Variants in PHF20 observed in about 807,000 individuals in gnomAD.
PHF20 encodes glioma-expressed antigen 2.
A neutral mutation model predicts 113.5 loss-of-function variants in PHF20; 23 were observed. That is an observed-to-expected ratio of 0.20 (90% confidence interval 0.15 to 0.29). The LOEUF is 0.29. Ranked by LOEUF, PHF20 falls within the 10% of genes least tolerant of loss-of-function variation. The pLI is 1.00. For missense variants in PHF20, 943 were observed against 1,219.6 expected, an observed-to-expected ratio of 0.77 and a Z score of 3.38; for synonymous variants, 434 against 457.3, an observed-to-expected ratio of 0.95 and a Z score of 0.65.
intron 1 of PHF20, among the ~76,000 whole-genome samples, chr20:35,789,042 AT>A: frequency 6.6e-6 from 1 of 152,264 alleles, no homozygotes; most frequent in South Asian, 2.1e-4. Context: ...TTAGGTTGCC[AT>A]GGGAGAATGC....
intron 17 of PHF20, among the ~76,000 whole-genome samples, chr20:35,943,781 T>C (rs1206961194): frequency 6.6e-6 from 1 of 152,008 alleles, no homozygotes; most frequent in African/African-American, 2.4e-5. Context: ...CCGCCATGCC[T>C]GGCTAATTTT....
At chr20:35,797,251 G>A (rs534538299) in intron 1 of PHF20, among the ~76,000 whole-genome samples, 76 of 151,770 alleles carry the variant, frequency 5.0e-4, no homozygotes, top group African/African-American at 1.7e-3. Flanking sequence ...GGTGGCTCAT[G>A]CCTGTAATCC....
intron 1 of PHF20, chr20:35,782,262 G>GTTTTTTTTTTT (rs11480471): frequency 2.1e-5 from 3 of 143,482 alleles, no homozygotes; most frequent in Non-Finnish European, 3.0e-5. Flanking sequence ...TTCTTGTTTT[G>GTTTTTTTTTTT]TTTTTTTTTT....
chr20:35,843,483 C>T (rs1227327971), intron 3 of PHF20, among the ~76,000 whole-genome samples: 6 of 146,406 alleles, frequency 4.1e-5, no homozygotes, highest in Non-Finnish European at 7.4e-5. Flanking sequence ...GATCATGCCA[C>T]TCCACTCCAG....
intron 1 of PHF20, among the ~76,000 whole-genome samples, chr20:35,794,248 C>T (rs1412941632): frequency 8.8e-5 from 13 of 148,566 alleles, no homozygotes; most frequent in African/African-American, 1.3e-4. Flanking sequence ...TGCAGTGAGC[C>T]GAGATCGTGC....
chr20:35,820,132 C>T (rs1018723658), intron 2 of PHF20, among the ~76,000 whole-genome samples: 1 of 152,102 alleles, frequency 6.6e-6, no homozygotes, highest in South Asian at 2.1e-4. Context: ...TGTTCAGTAC[C>T]TAGAATAAAG....
chr20:35,877,697 C>T (rs1033580431), intron 9 of PHF20, among the ~76,000 whole-genome samples: 3 of 152,018 alleles, frequency 2.0e-5, no homozygotes, highest in Non-Finnish European at 4.4e-5. Flanking sequence ...CTGCTTCAGC[C>T]TCAGACCCTA....
At chr20:35,791,244 TAA>T (rs1034809222) in intron 1 of PHF20, among the ~76,000 whole-genome samples, 4 of 152,076 alleles carry the variant, frequency 2.6e-5, no homozygotes, top group Non-Finnish European at 5.9e-5. Flanking sequence ...GGCAACAGTG[TAA>T]TTAACTGGAG....
rs969091566 is a variant in PHF20, at chr20:35,947,160, T to G, written c.2897-325T>G. On this transcript the variant is annotated intron_variant, in intron 17 of 17. Coordinates refer to ENST00000374012, the MANE Select transcript of PHF20 (RefSeq NM_016436.5). ...TTCAGTTCCTCAGTTGCATTAGCCA[T>G]GTTTCCAGCGCTCAATAGCTGCATA... Among the ~76,000 whole-genome samples the G allele has an allele frequency of 7.6e-4, 115 of 152,208 alleles. 2 individuals carry two copies. Among genetic ancestry groups the G allele is most frequent in the African/African-American group, 2.7e-3 (110 of 41,442 alleles).
intron 9 of PHF20, among the ~76,000 whole-genome samples, chr20:35,872,984 T>A (rs1461620444): frequency 6.6e-6 from 1 of 152,238 alleles, no homozygotes; most frequent in South Asian, 2.1e-4. Flanking sequence ...TGTCAATTTC[T>A]AAGAGAAGGT....
chr20:35,774,458 T>G (rs1489754016), intron 1 of PHF20: 1 of 152,236 alleles, frequency 6.6e-6, no homozygotes, highest in Admixed American at 6.5e-5. Flanking sequence ...TCAATAGTTC[T>G]TTCTTTTGTG....
rs528670737 is a variant in PHF20, at chr20:35,919,142, G to A, written c.2004+1480G>A. 4.6e-4 allele frequency among the ~76,000 whole-genome samples: 70 copies of A among 151,552 alleles called. 1 individual carries two copies. The highest frequency in any genetic ancestry group is 4.6e-3 in the South Asian group (22 of 4,794). On this transcript the variant is annotated intron_variant, in intron 13 of 17. Coordinates refer to ENST00000374012, the MANE Select transcript of PHF20 (RefSeq NM_016436.5). ...AGCGATTCGCCTGCCTCCACTGCCCGAGTAGCTGGGATTACAGGCATGTGC... is the reference window on the plus strand; with the variant it reads ...AGCGATTCGCCTGCCTCCACTGCCCAAGTAGCTGGGATTACAGGCATGTGC...
At chr20:35,796,256 A>G (rs2041664789) in intron 1 of PHF20, among the ~76,000 whole-genome samples, 1 of 152,118 alleles carries the variant, frequency 6.6e-6, no homozygotes, top group Non-Finnish European at 1.5e-5. Flanking sequence ...GCTTAATAGC[A>G]TTCTTTATTT....
At chr20:35,816,174 C>G (rs559224155) in intron 2 of PHF20, among the ~76,000 whole-genome samples, 4 of 152,170 alleles carry the variant, frequency 2.6e-5, no homozygotes, top group African/African-American at 9.6e-5. Context: ...CCAGGATGGT[C>G]TCGATCTCTT....
chr20:35,806,013 C>T (rs1298682805), intron 2 of PHF20, among the ~76,000 whole-genome samples: 3 of 151,946 alleles, frequency 2.0e-5, no homozygotes, highest in South Asian at 2.1e-4. Flanking sequence ...TACAGGCGCC[C>T]GCCACCACAC....
chr20:35,847,532 T>C (rs1458910767), intron 4 of PHF20, 98 bp downstream of exon 4: 4 of 756,162 alleles, frequency 5.3e-6, no homozygotes, highest in African/African-American at 1.7e-5. Context: ...TCAGTATTTA[T>C]TTACTGCCTA....
At chr20:35,862,358 C>A (rs1289497179) in intron 5 of PHF20, among the ~76,000 whole-genome samples, 1 of 152,148 alleles carries the variant, frequency 6.6e-6, no homozygotes. Context: ...AGCTCTGGGT[C>A]AGTATAGTCA....
At position 35,938,840 on chromosome 20, in the gene PHF20, C is replaced by G. The variant is rs764118124; in HGVS notation, c.2444C>G (p.Ala815Gly). 6.2e-7 allele frequency: 1 copy of G among 1,614,178 alleles called. No homozygotes were observed. Among genetic ancestry groups the G allele is most frequent in the Non-Finnish European group, 8.5e-7 (1 of 1,180,020 alleles). The change falls in exon 16 of 18, where the codon GCA (alanine) becomes GGA (glycine). Residue 815 changes from alanine (A) to glycine (G), a missense_variant. By Grantham distance (60) the Ala-to-Gly change is moderately conservative (BLOSUM62 0). This residue lies in a region of PHF20 where 349 missense variants were observed against 412.3 expected (regional missense o/e 0.85). Coordinates refer to ENST00000374012, the MANE Select transcript of PHF20 (RefSeq NM_016436.5). Reference sequence around the variant, plus strand: ...CCAAGCTATAGAACTTTGAACGGGGCAGTGGAGAAGCCCAGGCCCCTGGCC... The same window carrying G: ...CCAAGCTATAGAACTTTGAACGGGGGAGTGGAGAAGCCCAGGCCCCTGGCC... ...EAPSYRTLNG[A>G]VEKPRPLALP...
chr20:35,916,164 A>T (rs542832534), intron 12 of PHF20, among the ~76,000 whole-genome samples: 161 of 152,352 alleles, frequency 1.1e-3, no homozygotes, highest in African/African-American at 3.8e-3. Flanking sequence ...AATAATAAAA[A>T]GTAAAACAAT....
Sources: gnomAD v4.1 joint callset for allele counts (sites outside exome capture counted in the v4.1 genomes callset) on GRCh38, gnomAD v4.1.1 for gene constraint, gnomAD v4.1.1 regional missense constraint, MANE v1.5 for transcripts, NCBI Gene and HGNC (gene_info 2026-07-23, HGNC 2026-07-21) for gene names.